Variants in NTM observed in about 807,000 individuals in gnomAD.
The protein encoded by NTM is IgLON family member 2.
NTM carries 13 observed loss-of-function variants against 42.1 expected under a neutral mutation model. The ratio of observed to expected loss-of-function variants is 0.31; its 90% CI spans 0.20 to 0.49. The LOEUF is 0.49. NTM is among the 20% of genes least tolerant of loss of function. The probability of loss-of-function intolerance (pLI) is 0.99; values close to 1 mark genes in which losing one functional copy is unlikely to be tolerated. For synonymous variants in NTM, 187 were observed against 179.2 expected (o/e 1.04, Z -0.35); for missense variants, 373 against 452.8 (o/e 0.82, Z 1.60).
chr11:132,083,283 T>C (rs966760008), intron 2 of NTM, among the ~76,000 whole-genome samples: 35 of 152,362 alleles, frequency 2.3e-4, no homozygotes, highest in African/African-American at 8.4e-4. Context: ...AATTTCTCTC[T>C]CCAGTCCTTA....
At chr11:131,894,272 T>TTC (rs2051873562) in intron 1 of NTM, among the ~76,000 whole-genome samples, 3 of 152,220 alleles carry the variant, frequency 2.0e-5, no homozygotes, top group African/African-American at 7.2e-5. Context: ...GTGTTCAGGC[T>TTC]TGGTCTATAA....
intron 1 of NTM, among the ~76,000 whole-genome samples, chr11:131,592,397 C>T (rs1400774972): frequency 6.6e-6 from 1 of 152,012 alleles, no homozygotes; most frequent in Non-Finnish European, 1.5e-5. Flanking sequence ...AGCCCAGGGC[C>T]TGGAAATCAC....
chr11:131,960,057 AT>A, intron 2 of NTM, among the ~76,000 whole-genome samples: 2 of 152,268 alleles, frequency 1.3e-5, no homozygotes, highest in Middle Eastern at 3.4e-3. Flanking sequence ...ATTGAAGCTG[AT>A]TTGAATTCCT....
At position 132,174,740 on chromosome 11, in the gene NTM, T is replaced by G. The variant is rs78962968; in HGVS notation, c.400+28226T>G. ...CTCGACGGCTGGGCTGTATAATTGA[T>G]GGCCTCTCGGGGTTGCTGGAGTCGT... On this transcript the variant is annotated intron_variant, in intron 3 of 8. Coordinates refer to ENST00000683400, the MANE Select transcript of NTM (RefSeq NM_001352005.2). Among the ~76,000 whole-genome samples, 347 of 152,276 alleles carry G rather than the reference T, an allele frequency of 2.3e-3. 2 individuals carry two copies. Among genetic ancestry groups the G allele is most frequent in the African/African-American group, 8.0e-3 (331 of 41,552 alleles).
At chr11:131,839,272 A>T (rs1402595816) in intron 1 of NTM, among the ~76,000 whole-genome samples, 1 of 152,168 alleles carries the variant, frequency 6.6e-6, no homozygotes, top group African/African-American at 2.4e-5. Flanking sequence ...TGTATATTTT[A>T]AGGTAAGTGG....
chr11:132,272,723 G>A (rs2093541110), intron 4 of NTM, among the ~76,000 whole-genome samples: 1 of 151,986 alleles, frequency 6.6e-6, no homozygotes, highest in Non-Finnish European at 1.5e-5. Flanking sequence ...TATTGCTCTT[G>A]TATCCTGCAA....
rs115760759 is a variant in NTM, at chr11:131,576,212, A to G, written c.82+205324A>G. Among the ~76,000 whole-genome samples, 437 of 152,302 alleles carry G rather than the reference A, an allele frequency of 2.9e-3. 1 individual carries two copies. Among genetic ancestry groups the G allele is most frequent in the African/African-American group, 0.01 (419 of 41,566 alleles). ...CCTGAAGTAATATGGCTTTGCTCAC[A>G]TTGGCTGCATATTCTATAGGTTTGC... On this transcript the variant is annotated intron_variant, in intron 1 of 8. Transcript: ENST00000683400.
intron 3 of NTM, among the ~76,000 whole-genome samples, chr11:132,169,756 A>T (rs912528202): frequency 6.6e-6 from 1 of 152,312 alleles, no homozygotes; most frequent in Admixed American, 6.5e-5. Flanking sequence ...ATGCAAGTCA[A>T]CATGTATGGA....
intron 8 of NTM, chr11:132,332,159 G>A (rs1380580120): frequency 6.6e-6 from 1 of 152,278 alleles, no homozygotes; most frequent in African/African-American, 2.4e-5. Context: ...GGAATTGAAA[G>A]ATGAGATGGT....
chr11:131,506,008 C>G (rs2047444396), intron 1 of NTM, among the ~76,000 whole-genome samples: 1 of 151,950 alleles, frequency 6.6e-6, no homozygotes, highest in South Asian at 2.1e-4. Context: ...CCATAAGAAG[C>G]CTGTTGGTGT....
chr11:131,806,648 T>C (rs895705128), intron 1 of NTM, among the ~76,000 whole-genome samples: 3 of 152,294 alleles, frequency 2.0e-5, no homozygotes, highest in Non-Finnish European at 2.9e-5. Context: ...CACAGGAAGC[T>C]AGTGGCAGAG....
At chr11:132,191,164 T>G (rs2079257807) in intron 3 of NTM, among the ~76,000 whole-genome samples, 3 of 152,178 alleles carry the variant, frequency 2.0e-5, no homozygotes, top group Admixed American at 2.0e-4. Context: ...GGAATGCTTA[T>G]GCTTGCGGCC....
intron 1 of NTM, among the ~76,000 whole-genome samples, chr11:131,873,612 C>CGTATATATATACATATATATATACG (rs2048090527): frequency 6.2e-5 from 2 of 32,218 alleles, no homozygotes; most frequent in African/African-American, 3.2e-4. Context: ...ATATATATAC[C>CGTATATATATACATATATATATACG]GTATATATAT....
chr11:131,657,363 G>C (rs1398669285), intron 1 of NTM, among the ~76,000 whole-genome samples: 1 of 152,126 alleles, frequency 6.6e-6, no homozygotes, highest in East Asian at 1.9e-4. Context: ...AGAAAAACAA[G>C]TCAAGCTTTC....
At chr11:131,663,783 C>T (rs1565393141) in intron 1 of NTM, among the ~76,000 whole-genome samples, 1 of 152,022 alleles carries the variant, frequency 6.6e-6, no homozygotes, top group African/African-American at 2.4e-5. Flanking sequence ...AGACGTCTTA[C>T]TAAACAATAC....
chr11:131,796,268 G>A, intron 1 of NTM: 8 of 699,868 alleles, frequency 1.1e-5, no homozygotes, highest in Non-Finnish European at 1.4e-5. Context: ...CCTCTCAGGA[G>A]TAGAGGCTGC....
intron 1 of NTM, among the ~76,000 whole-genome samples, chr11:131,735,761 G>A (rs928809578): frequency 6.6e-6 from 1 of 151,902 alleles, no homozygotes; most frequent in African/African-American, 2.4e-5. Context: ...ATGTGTCCAG[G>A]CCCACACTGT....
At chr11:131,931,501 G>GTGTGTGTGTA (rs1353027491) in intron 2 of NTM, among the ~76,000 whole-genome samples, 2 of 150,966 alleles carry the variant, frequency 1.3e-5, no homozygotes, top group Non-Finnish European at 2.9e-5. Context: ...GTGTGTGTGT[G>GTGTGTGTGTA]TGTATGTGTG....
At chr11:132,038,069 C>T (rs11222878) in intron 2 of NTM, among the ~76,000 whole-genome samples, 28,502 of 152,202 alleles carry the variant, frequency 0.19, 3,395 homozygotes, top group Non-Finnish European at 0.26. Context: ...TGGTTTTTCA[C>T]CTGCTTGAAA....
Sources: gnomAD v4.1 joint callset for allele counts (sites outside exome capture counted in the v4.1 genomes callset) on GRCh38, gnomAD v4.1.1 for gene constraint, MANE v1.5 for transcripts, NCBI Gene and HGNC (gene_info 2026-07-23, HGNC 2026-07-21) for gene names.